The following SOX30 variants were observed in gnomAD, a reference collection of about 807,000 sequenced individuals.
SOX30 encodes the protein SRY-box transcription factor 30, also known as transcription factor SOX-30.
In SOX30, 17 loss-of-function variants were observed where a neutral mutation model predicts 58.6. The ratio of observed to expected loss-of-function variants is 0.29; its 90% CI spans 0.20 to 0.44. The LOEUF is 0.44. Ranked by LOEUF, SOX30 falls within the 20% of genes least tolerant of loss-of-function variation. The probability of loss-of-function intolerance (pLI) is 1.00; values close to 1 mark genes in which losing one functional copy is unlikely to be tolerated. For synonymous variants in SOX30, 421 were observed against 400.2 expected, an observed-to-expected ratio of 1.05 and a Z score of -0.62; for missense variants, 951 against 965.8, an observed-to-expected ratio of 0.98 and a Z score of 0.20.
At position 157,644,207 on chromosome 5, in the gene SOX30, C is replaced by T. The variant is rs542119556; in HGVS notation, c.1387+2430G>A. The stretch of plus-strand genomic sequence containing the variant: ...ACAGCGTCTTGCTATGTTGCCCAGG[C>T]TAGTCTCGAACTCCTAGGCTCCCAA... On this transcript the variant is annotated intron_variant, in intron 3 of 4. Coordinates refer to ENST00000265007, the MANE Select transcript of SOX30 (RefSeq NM_178424.2). Among the ~76,000 whole-genome samples, 7 of 152,252 alleles carry T rather than the reference C, an allele frequency of 4.6e-5. No individual in the cohort carries two copies. The East Asian group carries it at 1.3e-3, about 29-fold the overall frequency.
intron 3 of SOX30, among the ~76,000 whole-genome samples, chr5:157,640,438 G>T (rs887309435): frequency 6.6e-6 from 1 of 152,090 alleles, no homozygotes; most frequent in Non-Finnish European, 1.5e-5. Context: ...TGCTATAAGC[G>T]AGACAGGGTA....
rs1347785882 is a variant in SOX30 at position 157,648,901 on chromosome 5, A to G, written c.968-5T>C. 9 of 1,584,016 alleles carry G rather than the reference A, an allele frequency of 5.7e-6. No homozygotes were observed. In the East Asian group the frequency reaches 1.4e-4, roughly 24 times the overall value. ...TGAAGGGAGTATCTGGTATGCCTAC[A>G]TGACAAAAATTAAAAGGCTAAATTA... On this transcript the variant is annotated splice_polypyrimidine_tract_variant and splice_region_variant and intron_variant, in intron 1 of 4. Transcript: ENST00000265007.
chr5:157,633,403 C>A (rs2113835093), intron 4 of SOX30, among the ~76,000 whole-genome samples: 2 of 152,320 alleles, frequency 1.3e-5, no homozygotes, highest in Middle Eastern at 6.8e-3. Context: ...AGGACCACTA[C>A]AACTAGTTTT....
rs372055022 is a variant in SOX30 at position 157,651,018 on chromosome 5, T to C, written c.967+94A>G. Reference sequence around the variant, plus strand: ...CTGAAAACAATCAGTTCCATTACTTTACTTTTGTAGTTTAGACTTGGGAAC... The same window carrying C: ...CTGAAAACAATCAGTTCCATTACTTCACTTTTGTAGTTTAGACTTGGGAAC... On this transcript the variant is annotated intron_variant, in intron 1 of 4. Transcript: ENST00000265007. The C allele has an allele frequency of 5.4e-4, 506 of 938,044 alleles. No homozygotes were observed. In the African/African-American group the frequency reaches 7.5e-3, roughly 14 times the overall value. 58.1% of individuals were successfully genotyped at this position (938,044 alleles called of 1,614,324 possible). A position where few individuals can be genotyped will look rare whatever the true frequency, so the allele number is the denominator to read the frequency against.
At chr5:157,628,256 G>A (rs1259593586) in intron 4 of SOX30, among the ~76,000 whole-genome samples, 2 of 151,780 alleles carry the variant, frequency 1.3e-5, no homozygotes, top group Non-Finnish European at 2.9e-5. Context: ...CATAGAGCAG[G>A]AATTATAGGA....
At position 157,627,428 on chromosome 5, in the gene SOX30, T is replaced by C. The variant is rs1180845824; in HGVS notation, c.1881-707A>G. Among the ~76,000 whole-genome samples, 3 of 151,996 alleles carry C rather than the reference T, an allele frequency of 2.0e-5. No individual in the cohort carries two copies. The East Asian group carries it at 5.8e-4, about 29-fold the overall frequency. On this transcript the variant is annotated intron_variant, in intron 4 of 4. Coordinates refer to ENST00000265007, the MANE Select transcript of SOX30 (RefSeq NM_178424.2). ...CTTAGTAAACAATGCAATAGTGCAA[T>C]AGTTGTTTTTAGTGGTATTTGAAAG...
At chr5:157,667,243 A>G (rs1759691691) in intron 2 of SOX30, among the ~76,000 whole-genome samples, 1 of 152,204 alleles carries the variant, frequency 6.6e-6, no homozygotes, top group South Asian at 2.1e-4. Context: ...TGTCACTGGA[A>G]AATCTCTGTG....
chr5:157,651,760 G>A lies in SOX30; in HGVS notation c.319C>T (p.Leu107=). Reference sequence around the variant, plus strand: ...GCTGTCGGCGGCTGCAGGAGCCGCAGGTCGGGCCTGAACTGCAACAGCCGC... The same window carrying A: ...GCTGTCGGCGGCTGCAGGAGCCGCAAGTCGGGCCTGAACTGCAACAGCCGC... The part of the protein sequence containing the change: ...QARLLQFRPD[L]RLLQPPTASD... Residue 107 remains leucine, a synonymous_variant, in exon 1 of 5, where the codon CTG becomes TTG. Coordinates refer to ENST00000265007, the MANE Select transcript of SOX30 (RefSeq NM_178424.2). The A allele has an allele frequency of 3.2e-6, 5 of 1,556,972 alleles. No individual in the cohort carries two copies. In the African/African-American group the frequency reaches 4.1e-5, roughly 13 times the overall value.
chr5:157,663,107 C>T (rs1476877605), intron 2 of SOX30, among the ~76,000 whole-genome samples: 1 of 152,156 alleles, frequency 6.6e-6, no homozygotes, highest in Non-Finnish European at 1.5e-5. Flanking sequence ...TTTTATGAGG[C>T]CAGCATCATC....
exon 1 of SOX30, chr5:157,671,382 C>T: frequency 3.6e-6 from 2 of 551,728 alleles, no homozygotes; most frequent in Non-Finnish European, 6.5e-6. Flanking sequence ...CGCCGGGTCT[C>T]ACCACGGCGG....
chr5:157,646,614 A>C, intron 3 of SOX30, 23 bp downstream of exon 3: 1 of 1,548,200 alleles, frequency 6.5e-7, no homozygotes, highest in Non-Finnish European at 8.8e-7. Flanking sequence ...AAAAAATAGT[A>C]ATCTACAATA....
At position 157,638,600 on chromosome 5, in the gene SOX30, C is replaced by T. The variant is rs1350386711; in HGVS notation, c.1510G>A (p.Val504Ile). 1 of 1,614,108 alleles carries T rather than the reference C, an allele frequency of 6.2e-7. No individual in the cohort carries two copies. The highest frequency in any genetic ancestry group is 2.2e-5 in the East Asian group (1 of 44,876). The change falls in exon 4 of 5, where the codon GTC becomes ATC. Residue 504 changes from valine to isoleucine, a missense_variant. Val to Ile is a conservative substitution (Grantham distance 29). This residue lies in a region of SOX30 where 381 missense variants were observed against 390.0 expected (regional missense o/e 0.98). Coordinates refer to ENST00000265007, the MANE Select transcript of SOX30 (RefSeq NM_178424.2). ...QVAVQDPSLP[V>I]YPALPPQRFT... Reference sequence around the variant, plus strand: ...CGTTGGGGTGGGAGTGCTGGATAGACAGGTAGACTTGGATCCTGGACAGCC... The same window carrying T: ...CGTTGGGGTGGGAGTGCTGGATAGATAGGTAGACTTGGATCCTGGACAGCC...
At chr5:157,642,327 A>T (rs1759084933) in intron 3 of SOX30, among the ~76,000 whole-genome samples, 1 of 152,044 alleles carries the variant, frequency 6.6e-6, no homozygotes, top group Non-Finnish European at 1.5e-5. Context: ...AAAAAAAAAA[A>T]AAAGAAGAAG....
Position 157,651,263 on chromosome 5 carries a change from C to G in SOX30, c.816G>C (p.Arg272=), listed in dbSNP as rs761721079. 1 of 1,614,054 alleles carries G rather than the reference C, an allele frequency of 6.2e-7. No homozygotes were observed. The highest frequency in any genetic ancestry group is 8.5e-7 in the Non-Finnish European group (1 of 1,180,044). ...AAGGCGGAGCTCCCTGAAACTGGAT[C>G]CGGGCCCCAGGGGGGACCGTGTGGA... ...LTLHTVPPGA[R]IQFQGAPPSE... Residue 272 remains arginine, a synonymous_variant, in exon 1 of 5, where the codon CGG becomes CGC. Coordinates refer to ENST00000265007, the MANE Select transcript of SOX30 (RefSeq NM_178424.2).
Position 157,651,490 on chromosome 5 carries a change from G to A in SOX30, c.589C>T (p.Gln197Ter). The change falls in exon 1 of 5, where the codon CAA becomes TAA. Residue 197 changes from glutamine (Q) to a stop codon, truncating the protein, a stop_gained. Transcript: ENST00000265007. LOFTEE classifies it high-confidence loss of function. ...EAEEVMRDSM[Q>*]GGAGKSPAAI... The stretch of plus-strand genomic sequence containing the variant: ...GCCGGGCTTTTGCCTGCCCCGCCTT[G>A]CATCGAGTCTCTCATGACCTCCTCC... 1.2e-6 allele frequency: 2 copies of A among 1,613,438 alleles called. No individual in the cohort carries two copies. The highest frequency in any genetic ancestry group is 1.7e-6 in the Non-Finnish European group (2 of 1,180,010).
Position 157,651,828 on chromosome 5 carries a change from G to A in SOX30, c.251C>T (p.Pro84Leu). The change falls in exon 1 of 5, where the codon CCT (proline) becomes CTT (leucine). Residue 84 changes from proline (P) to leucine (L), a missense_variant. This residue lies in a region of SOX30 where 363 missense variants were observed against 294.5 expected (regional missense o/e 1.23). Coordinates refer to ENST00000265007, the MANE Select transcript of SOX30 (RefSeq NM_178424.2). Reference sequence around the variant, plus strand: ...AGCGGCTTCCTCGTTCTGGGCCTGAGGCTGTGGTAGCAGCAACACCTGCTC... The same window carrying A: ...AGCGGCTTCCTCGTTCTGGGCCTGAAGCTGTGGTAGCAGCAACACCTGCTC... ...KPEQVLLLPQ[P>L]QAQNEEAAAS... 1 of 1,586,872 alleles carries A rather than the reference G, an allele frequency of 6.3e-7. No homozygotes were observed. The highest frequency in any genetic ancestry group is 8.5e-7 in the Non-Finnish European group (1 of 1,170,708).
At chr5:157,632,074 A>AAAAAAAAAC (rs1758827359) in intron 4 of SOX30, among the ~76,000 whole-genome samples, 1 of 142,492 alleles carries the variant, frequency 7.0e-6, no homozygotes, top group Non-Finnish European at 1.5e-5. Flanking sequence ...AAAAAAAAAA[A>AAAAAAAAAC]AAGAATTTTT....
At position 157,636,251 on chromosome 5, in the gene SOX30, T is replaced by C. The variant is rs75284208; in HGVS notation, c.1880+1979A>G. On this transcript the variant is annotated intron_variant, in intron 4 of 4. Transcript: ENST00000265007. The stretch of plus-strand genomic sequence containing the variant: ...AGCATTTCCCATATTACAAAATTAA[T>C]TATGTAGCAGATACAATTTTCCACA... Among the ~76,000 whole-genome samples, 697 of 152,352 alleles carry C rather than the reference T, an allele frequency of 4.6e-3. 14 individuals are homozygous for C. The highest frequency in any genetic ancestry group is 0.031 in the East Asian group (162 of 5,192).
At chr5:157,631,044 ATTT>A (rs1422367547) in intron 4 of SOX30, among the ~76,000 whole-genome samples, 2 of 41,982 alleles carry the variant, frequency 4.8e-5, no homozygotes, top group African/African-American at 1.8e-4. Context: ...CAATATATAT[ATTT>A]TATATATATA....
Sources: allele counts gnomAD v4.1 joint callset (sites outside exome capture counted in the v4.1 genomes callset), GRCh38; gene constraint gnomAD v4.1.1; regional missense constraint gnomAD v4.1.1; transcripts MANE v1.5; gene names NCBI Gene and HGNC (gene_info 2026-07-23, HGNC 2026-07-21).